RNLS: variants seen among roughly 807,000 people sequenced by gnomAD.
RNLS encodes the protein renalase, FAD dependent amine oxidase.
Under a neutral mutation model 39.8 loss-of-function variants are expected in RNLS, and 39 were observed. The observed-to-expected ratio is 0.98, with a 90% confidence interval of 0.76 to 1.28. The LOEUF (loss-of-function observed/expected upper bound fraction) is 1.28. Among genes scored for constraint, RNLS ranks in the 50% most tolerant of loss-of-function variants. RNLS has a pLI of 0.00. For synonymous variants in RNLS, 147 were observed against 150.7 expected (o/e 0.98, Z 0.18); for missense variants, 410 against 413.3 (o/e 0.99, Z 0.07).
intron 6 of RNLS, chr10:88,275,059 C>G (rs543145222): frequency 8.3e-6 from 13 of 1,568,160 alleles, no homozygotes; most frequent in Non-Finnish European, 1.1e-5. Flanking sequence ...TATCCTTCAA[C>G]CCCAGTGCCA....
the RNLS span, among the ~76,000 whole-genome samples, chr10:88,178,949 T>C: frequency 6.6e-6 from 1 of 152,170 alleles, no homozygotes; most frequent in African/African-American, 2.4e-5. Flanking sequence ...CAAATATTTA[T>C]AGAGATCAAC....
intron 4 of RNLS, among the ~76,000 whole-genome samples, chr10:88,517,283 T>C (rs1044393009): frequency 1.3e-5 from 2 of 151,932 alleles, no homozygotes; most frequent in African/African-American, 2.4e-5. Context: ...AAAGAATAAA[T>C]GTATCAACTT....
At chr10:88,199,714 C>T in the RNLS span, among the ~76,000 whole-genome samples, 20 of 152,242 alleles carry the variant, frequency 1.3e-4, no homozygotes, top group Admixed American at 1.3e-3. Flanking sequence ...CCTCTGACTC[C>T]ATTTTTGGTG....
chr10:88,309,573 C>T, intron 6 of RNLS: 1 of 775,274 alleles, frequency 1.3e-6, no homozygotes, highest in South Asian at 1.4e-5. Flanking sequence ...CTGAGGTAAT[C>T]AGCTGGAAAA....
the RNLS span, among the ~76,000 whole-genome samples, chr10:88,215,825 G>C: frequency 6.7e-6 from 1 of 150,038 alleles, no homozygotes; most frequent in African/African-American, 2.5e-5. Flanking sequence ...TCAGCCTCCC[G>C]AGTAGCTGGG....
chr10:88,175,276 T>C, the RNLS span, among the ~76,000 whole-genome samples: 5 of 152,128 alleles, frequency 3.3e-5, no homozygotes, highest in African/African-American at 1.2e-4. Flanking sequence ...ATAGTTTCCT[T>C]CTTTTTCCCA....
chr10:88,250,215 A>G, the RNLS span, among the ~76,000 whole-genome samples: 2 of 152,174 alleles, frequency 1.3e-5, no homozygotes, highest in African/African-American at 4.8e-5. Flanking sequence ...AGCCTTATTT[A>G]TCTCAGTTTC....
At chr10:88,245,308 G>T in the RNLS span, among the ~76,000 whole-genome samples, 6 of 152,312 alleles carry the variant, frequency 3.9e-5, no homozygotes, top group East Asian at 1.2e-3. Context: ...TCGTTCAAAA[G>T]ATCTGAGAGC....
chr10:88,356,290 A>C (rs1194076057), intron 5 of RNLS, among the ~76,000 whole-genome samples: 5 of 152,088 alleles, frequency 3.3e-5, no homozygotes, highest in Admixed American at 3.3e-4. Flanking sequence ...TGCAGAAATC[A>C]CCTGTCTTCT....
At chr10:88,545,698 A>G (rs1409701359) in intron 4 of RNLS, among the ~76,000 whole-genome samples, 4 of 152,224 alleles carry the variant, frequency 2.6e-5, no homozygotes, top group Non-Finnish European at 4.4e-5. Flanking sequence ...ATTGAAGAGT[A>G]TAATTCAGCA....
chr10:88,330,087 AT>A lies in RNLS; in HGVS notation c.701-15447del, dbSNP rs1407187451. ...TGTTTTGAGATATATATATATATAT[AT>A]ATAAATATAAATATATATACACACA... is the stretch of plus-strand genomic sequence containing the variant. On this transcript the variant is annotated intron_variant, in intron 5 of 6. Coordinates refer to ENST00000331772, the MANE Select transcript of RNLS (RefSeq NM_001031709.3). Among the ~76,000 whole-genome samples, 36 of 143,078 alleles carry A rather than the reference AT, an allele frequency of 2.5e-4. 2 individuals are homozygous for A. Among genetic ancestry groups the A allele is most frequent in the African/African-American group, 7.9e-4 (31 of 39,208 alleles). 93.9% of individuals were successfully genotyped at this position (143,078 alleles called of 152,430 possible).
chr10:88,478,582 C>A (rs1178520581), intron 4 of RNLS, among the ~76,000 whole-genome samples: 1 of 152,138 alleles, frequency 6.6e-6, no homozygotes, highest in Non-Finnish European at 1.5e-5. Context: ...GGTTGGTATA[C>A]TTGAAGTCTC....
intron 4 of RNLS, among the ~76,000 whole-genome samples, chr10:88,383,575 G>C (rs1851680356): frequency 6.6e-6 from 1 of 152,100 alleles, no homozygotes; most frequent in African/African-American, 2.4e-5. Flanking sequence ...AATTCCAGCA[G>C]TGGATTTTTT....
At chr10:88,310,381 T>C (rs2133025678) in intron 6 of RNLS, among the ~76,000 whole-genome samples, 1 of 152,326 alleles carries the variant, frequency 6.6e-6, no homozygotes, top group East Asian at 1.9e-4. Flanking sequence ...GAATTTAGGT[T>C]GCCAATAAAT....
chr10:88,495,312 A>G (rs1845103259), intron 4 of RNLS, among the ~76,000 whole-genome samples: 1 of 152,176 alleles, frequency 6.6e-6, no homozygotes, highest in Non-Finnish European at 1.5e-5. Context: ...CTTGAGAAAA[A>G]TAGTCAATAG....
intron 5 of RNLS, among the ~76,000 whole-genome samples, chr10:88,332,128 C>T (rs1472095813): frequency 6.6e-6 from 1 of 152,230 alleles, no homozygotes; most frequent in Non-Finnish European, 1.5e-5. Context: ...GGACCACCTG[C>T]AGATTTTACT....
At chr10:88,386,695 T>A (rs183503266) in intron 4 of RNLS, among the ~76,000 whole-genome samples, 46 of 152,304 alleles carry the variant, frequency 3.0e-4, no homozygotes, top group African/African-American at 1.0e-3. Flanking sequence ...CCCATGTTAC[T>A]TAGTTTCCAT....
intron 4 of RNLS, among the ~76,000 whole-genome samples, chr10:88,421,042 CCT>C (rs1589762838): frequency 6.6e-6 from 1 of 152,198 alleles, no homozygotes; most frequent in African/African-American, 2.4e-5. Context: ...ACGTCCCACC[CCT>C]GTTTCATGGG....
intron 4 of RNLS, among the ~76,000 whole-genome samples, chr10:88,540,904 A>G (rs1343329681): frequency 6.6e-6 from 1 of 151,300 alleles, no homozygotes; most frequent in Non-Finnish European, 1.5e-5. Context: ...TCAAAAACTG[A>G]GTTGTGGAAA....
Sources: gnomAD v4.1 joint callset for allele counts (sites outside exome capture counted in the v4.1 genomes callset) on GRCh38, gnomAD v4.1.1 for gene constraint, MANE v1.5 for transcripts, NCBI Gene and HGNC (gene_info 2026-07-23, HGNC 2026-07-21) for gene names.